ERG: variants seen among roughly 807,000 people sequenced by gnomAD.
ERG encodes transcriptional regulator ERG.
In ERG, 9 loss-of-function variants were observed where a neutral mutation model predicts 55.3. The ratio of observed to expected loss-of-function variants is 0.16; its 90% CI spans 0.10 to 0.28. The LOEUF (loss-of-function observed/expected upper bound fraction) is 0.28. Ranked by LOEUF, ERG falls within the 10% of genes least tolerant of loss-of-function variation. The probability of loss-of-function intolerance (pLI) is 1.00; values close to 1 mark genes in which losing one functional copy is unlikely to be tolerated. For synonymous variants in ERG, 223 were observed against 237.3 expected, an observed-to-expected ratio of 0.94 and a Z score of 0.55; for missense variants, 434 against 631.6, an observed-to-expected ratio of 0.69 and a Z score of 3.35.
chr21:38,605,859 A>G (rs1184315474), intron 1 of ERG, among the ~76,000 whole-genome samples: 1 of 152,230 alleles, frequency 6.6e-6, no homozygotes, highest in Non-Finnish European at 1.5e-5. Flanking sequence ...AGATAGATAG[A>G]TAATAGCTAG....
chr21:38,486,134 T>G (rs1276095903), intron 1 of ERG, among the ~76,000 whole-genome samples: 1 of 151,608 alleles, frequency 6.6e-6, no homozygotes, highest in Non-Finnish European at 1.5e-5. Context: ...GGGATTTCAC[T>G]GTGTTAGCCA....
chr21:38,441,599 G>A (rs2058841480), intron 2 of ERG, among the ~76,000 whole-genome samples: 1 of 152,192 alleles, frequency 6.6e-6, no homozygotes, highest in South Asian at 2.1e-4. Context: ...ACAATGCCAG[G>A]AGACACACTG....
intron 9 of ERG, among the ~76,000 whole-genome samples, chr21:38,384,472 G>A (rs531414526): frequency 3.9e-5 from 6 of 152,338 alleles, no homozygotes; most frequent in African/African-American, 1.4e-4. Context: ...GGAATGCAGC[G>A]AATTCATATG....
intron 1 of ERG, among the ~76,000 whole-genome samples, chr21:38,627,211 C>T (rs1217212071): frequency 2.6e-5 from 4 of 152,066 alleles, no homozygotes; most frequent in Non-Finnish European, 5.9e-5. Flanking sequence ...GCAGCACTTA[C>T]ATTACTAAAA....
intron 1 of ERG, among the ~76,000 whole-genome samples, chr21:38,657,166 T>C (rs1540016): frequency 0.81 from 123,729 of 152,172 alleles, 50,703 homozygotes; most frequent in African/African-American, 0.92. Context: ...CTATTTTACA[T>C]ACTTGAAGGA....
chr21:38,375,781 A>T (rs1425328675), downstream of ERG, among the ~76,000 whole-genome samples: 2 of 152,150 alleles, frequency 1.3e-5, no homozygotes, highest in Non-Finnish European at 2.9e-5. Context: ...ACTCCACAGG[A>T]GTCACAGGGT....
intron 1 of ERG, among the ~76,000 whole-genome samples, chr21:38,464,345 G>C (rs1471518294): frequency 6.6e-6 from 1 of 152,058 alleles, no homozygotes. Context: ...AGTCCCAAAG[G>C]CTTTTCTGCC....
intron 1 of ERG, among the ~76,000 whole-genome samples, chr21:38,578,815 T>C (rs2060010777): frequency 2.0e-5 from 3 of 152,134 alleles, no homozygotes; most frequent in Admixed American, 2.0e-4. Context: ...CACTGAAATT[T>C]GGGGAATTTG....
chr21:38,412,726 T>C (rs991536165), intron 3 of ERG, among the ~76,000 whole-genome samples: 1 of 152,246 alleles, frequency 6.6e-6, no homozygotes, highest in African/African-American at 2.4e-5. Flanking sequence ...TATTTTATAC[T>C]CTTTATCCAA....
chr21:38,391,110 A>G lies in ERG; in HGVS notation c.872-68T>C. On this transcript the variant is annotated intron_variant, in intron 8 of 9. Coordinates refer to ENST00000288319, the MANE Select transcript of ERG (RefSeq NM_182918.4). ...AACATAGTATGATGTGACTTCAGACATAATGCCTGACTTAATTGTTTTTTC... is the reference window on the plus strand; with the variant it reads ...AACATAGTATGATGTGACTTCAGACGTAATGCCTGACTTAATTGTTTTTTC... 3.1e-6 allele frequency: 4 copies of G among 1,293,034 alleles called. No individual in the cohort carries two copies. In the Admixed American group the frequency reaches 5.6e-5, roughly 18 times the overall value. 80.1% of individuals were successfully genotyped at this position (1,293,034 alleles called of 1,614,324 possible). A position where few individuals can be genotyped will look rare whatever the true frequency, so the allele number is the denominator to read the frequency against.
chr21:38,552,583 C>T (rs1002775101), intron 2 of ERG, among the ~76,000 whole-genome samples: 1 of 152,016 alleles, frequency 6.6e-6, no homozygotes, highest in Non-Finnish European at 1.5e-5. Context: ...ACACAAAAAC[C>T]ACATGATCAT....
At chr21:38,599,034 C>CA (rs764440592) in intron 1 of ERG, among the ~76,000 whole-genome samples, 1 of 152,224 alleles carries the variant, frequency 6.6e-6, no homozygotes, top group East Asian at 1.9e-4. Context: ...AGGGAAGCTT[C>CA]AAAAAAACCA....
At chr21:38,609,511 A>G (rs1046251761) in intron 1 of ERG, among the ~76,000 whole-genome samples, 4 of 152,232 alleles carry the variant, frequency 2.6e-5, no homozygotes, top group Non-Finnish European at 5.9e-5. Flanking sequence ...AATCAAAGAA[A>G]ATTATGAAAG....
At chr21:38,586,479 C>T (rs1173300787), upstream of ERG, among the ~76,000 whole-genome samples, 1 of 152,076 alleles carries the variant, frequency 6.6e-6, no homozygotes, top group African/African-American at 2.4e-5. Context: ...CCCCTACGCT[C>T]AACATCACTA....
chr21:38,575,821 G>T, intron 1 of ERG: 3 of 1,145,170 alleles, frequency 2.6e-6, no homozygotes, highest in Non-Finnish European at 3.8e-6. Context: ...AGCAGGACAG[G>T]ACACAATTCA....
rs61047146 is a variant in ERG, at chr21:38,397,596, C to CAAA, written c.745+2975_745+2977dup. ...CTGGCAACAGAGTGAGACTCCATCT[C>CAAA]AAAAAAAAAAAAAAAAAAAAAAGAA... On this transcript the variant is annotated intron_variant, in intron 6 of 9. Coordinates refer to ENST00000288319, the MANE Select transcript of ERG (RefSeq NM_182918.4). Among the ~76,000 whole-genome samples, 423 of 66,606 alleles carry CAAA rather than the reference C, an allele frequency of 6.4e-3. 3 individuals carry two copies. The highest frequency in any genetic ancestry group is 6.6e-3 in the Non-Finnish European group (257 of 38,658). 43.7% of individuals were successfully genotyped at this position (66,606 alleles called of 152,430 possible).
intron 2 of ERG, among the ~76,000 whole-genome samples, chr21:38,529,793 C>T (rs897657437): frequency 8.6e-5 from 13 of 151,926 alleles, no homozygotes; most frequent in Admixed American, 4.6e-4. Flanking sequence ...GGTGTTACCC[C>T]GTCTGTATTA....
chr21:38,542,702 G>A (rs888140097), intron 2 of ERG, among the ~76,000 whole-genome samples: 1 of 152,052 alleles, frequency 6.6e-6, no homozygotes, highest in Non-Finnish European at 1.5e-5. Context: ...GTGATAATAC[G>A]ACACTTAAAA....
At chr21:38,405,662 T>A (rs567462536) in intron 3 of ERG, among the ~76,000 whole-genome samples, 1 of 152,136 alleles carries the variant, frequency 6.6e-6, no homozygotes, top group Non-Finnish European at 1.5e-5. Flanking sequence ...TGGGAGCTAA[T>A]TAGAAATGCT....
Sources: allele counts gnomAD v4.1 joint callset (sites outside exome capture counted in the v4.1 genomes callset), GRCh38; gene constraint gnomAD v4.1.1; transcripts MANE v1.5; gene names NCBI Gene and HGNC (gene_info 2026-07-23, HGNC 2026-07-21).